The following ALCAM variants were observed in gnomAD, a reference collection of about 807,000 sequenced individuals.
The protein encoded by ALCAM is activated leukocyte cell adhesion molecule.
Under a neutral mutation model 70.9 loss-of-function variants are expected in ALCAM, and 30 were observed. The ratio of observed to expected loss-of-function variants is 0.42; its 90% confidence interval spans 0.32 to 0.57. The LOEUF is 0.57. Among genes scored for constraint, ALCAM ranks in the 20% least tolerant of loss-of-function variants. The pLI, the probability that ALCAM is intolerant of heterozygous loss-of-function variation, is 0.11. For missense variants in ALCAM, 591 were observed against 695.1 expected (o/e 0.85, Z 1.68); for synonymous variants, 249 against 242.5 (o/e 1.03, Z -0.25).
chr3:105,546,248 T>C (rs1222314060), intron 9 of ALCAM, among the ~76,000 whole-genome samples: 1 of 151,328 alleles, frequency 6.6e-6, no homozygotes, highest in Non-Finnish European at 1.5e-5. Context: ...GAAATAGGAG[T>C]TGACAAGAAT....
At chr3:105,466,822 A>G (rs1937751454) in intron 1 of ALCAM, among the ~76,000 whole-genome samples, 1 of 151,276 alleles carries the variant, frequency 6.6e-6, no homozygotes, top group East Asian at 1.9e-4. Flanking sequence ...TTTTTTTCAC[A>G]AGGAGACTCA....
chr3:105,559,550 C>G (rs1428555783), intron 14 of ALCAM, among the ~76,000 whole-genome samples: 1 of 151,766 alleles, frequency 6.6e-6, no homozygotes, highest in Non-Finnish European at 1.5e-5. Context: ...TAGGAGGGCA[C>G]TAATCTCATT....
intron 1 of ALCAM, among the ~76,000 whole-genome samples, chr3:105,455,979 T>C (rs1173044982): frequency 6.6e-6 from 1 of 152,122 alleles, no homozygotes. Context: ...CTCGGGAGGC[T>C]GAAGCATGAG....
chr3:105,413,217 A>T (rs1936430465), intron 1 of ALCAM, among the ~76,000 whole-genome samples: 2 of 152,130 alleles, frequency 1.3e-5, no homozygotes, highest in Non-Finnish European at 2.9e-5. Flanking sequence ...GGATTAAATT[A>T]ATTAGTGAAT....
At position 105,399,232 on chromosome 3, in the gene ALCAM, C is replaced by T. The variant is rs1046227020; in HGVS notation, c.73+31751C>T. Among the ~76,000 whole-genome samples the T allele has an allele frequency of 2.6e-4, 39 of 151,980 alleles. 1 individual carries two copies. Among genetic ancestry groups the T allele is most frequent in the African/African-American group, 9.2e-4 (38 of 41,388 alleles). On this transcript the variant is annotated intron_variant, in intron 1 of 15. Coordinates refer to ENST00000306107, the MANE Select transcript of ALCAM (RefSeq NM_001627.4). ...GATCATTTCTGTATGCATCATCGTA[C>T]CCAGCAAATTTCAGTAAATATTTGC...
chr3:105,530,867 A>G (rs1345937125), intron 3 of ALCAM, among the ~76,000 whole-genome samples: 1 of 152,044 alleles, frequency 6.6e-6, no homozygotes, highest in African/African-American at 2.4e-5. Flanking sequence ...ACATTTTGTC[A>G]TTTTCCCTGT....
intron 1 of ALCAM, among the ~76,000 whole-genome samples, chr3:105,417,133 C>A (rs1467052981): frequency 6.6e-6 from 1 of 151,816 alleles, no homozygotes; most frequent in African/African-American, 2.4e-5. Flanking sequence ...CTCCCAGCCC[C>A]ACTTCCACCC....
At chr3:105,390,658 A>C (rs767839057) in intron 1 of ALCAM, among the ~76,000 whole-genome samples, 1 of 152,056 alleles carries the variant, frequency 6.6e-6, no homozygotes, top group Admixed American at 6.6e-5. Context: ...ATGTTTTGTC[A>C]TGAAATCTTT....
chr3:105,465,528 A>G (rs1300457809), intron 1 of ALCAM, among the ~76,000 whole-genome samples: 2 of 151,476 alleles, frequency 1.3e-5, no homozygotes, highest in African/African-American at 4.8e-5. Context: ...CTCACTGATT[A>G]TATGTTGATT....
At chr3:105,545,616 A>G (rs1378724624) in intron 9 of ALCAM, among the ~76,000 whole-genome samples, 1 of 151,486 alleles carries the variant, frequency 6.6e-6, no homozygotes, top group Non-Finnish European at 1.5e-5. Flanking sequence ...GTGTGCACAT[A>G]CAAACATAGT....
At chr3:105,486,722 T>G (rs1310973375) in intron 1 of ALCAM, among the ~76,000 whole-genome samples, 1 of 152,094 alleles carries the variant, frequency 6.6e-6, no homozygotes, top group South Asian at 2.1e-4. Flanking sequence ...AGGGGACATA[T>G]AGGAAAGTCA....
chr3:105,408,538 C>T (rs548121884), intron 1 of ALCAM, among the ~76,000 whole-genome samples: 68 of 152,128 alleles, frequency 4.5e-4, no homozygotes, highest in Admixed American at 8.5e-4. Flanking sequence ...TTACCTTATA[C>T]AAAAATCAAC....
chr3:105,444,149 T>G (rs1018152199), intron 1 of ALCAM, among the ~76,000 whole-genome samples: 2 of 152,190 alleles, frequency 1.3e-5, no homozygotes, highest in Admixed American at 6.5e-5. Context: ...GGTATTGCAA[T>G]TCATTTTCTG....
intron 14 of ALCAM, among the ~76,000 whole-genome samples, chr3:105,565,365 C>T (rs1388095185): frequency 9.2e-5 from 14 of 152,090 alleles, no homozygotes; most frequent in Admixed American, 9.2e-4. Flanking sequence ...ATTTCTATGT[C>T]TATAACTTAA....
chr3:105,532,432 G>C (rs1939862090), intron 4 of ALCAM, among the ~76,000 whole-genome samples: 1 of 152,110 alleles, frequency 6.6e-6, no homozygotes. Flanking sequence ...GCAAGACCTT[G>C]TTTATAAAAA....
chr3:105,541,215 ACTTTCCTTCCTTCCTT>A (rs1940107268), intron 7 of ALCAM, among the ~76,000 whole-genome samples: 1 of 128,666 alleles, frequency 7.8e-6, no homozygotes, highest in Non-Finnish European at 1.7e-5. Flanking sequence ...CTTCCTTTTT[ACTTTCCTTCCTTCCTT>A]CTTTCCTTCC....
At chr3:105,567,429 T>C (rs1175677540) in intron 14 of ALCAM, among the ~76,000 whole-genome samples, 3 of 152,010 alleles carry the variant, frequency 2.0e-5, no homozygotes, top group Admixed American at 1.3e-4. Flanking sequence ...GAAGATCTGC[T>C]CACTTTTTTT....
At chr3:105,517,291 G>A (rs996579454) in intron 1 of ALCAM, among the ~76,000 whole-genome samples, 6 of 152,046 alleles carry the variant, frequency 3.9e-5, no homozygotes, top group African/African-American at 1.2e-4. Context: ...AAATAAGCAC[G>A]ATTATGGCTT....
chr3:105,491,109 G>A (rs1041015083), intron 1 of ALCAM, among the ~76,000 whole-genome samples: 2 of 152,198 alleles, frequency 1.3e-5, no homozygotes, highest in African/African-American at 4.8e-5. Flanking sequence ...CCTGCAGGCT[G>A]AACACCACAT....
Sources: gnomAD v4.1 joint callset for allele counts (sites outside exome capture counted in the v4.1 genomes callset) on GRCh38, gnomAD v4.1.1 for gene constraint, MANE v1.5 for transcripts, NCBI Gene and HGNC (gene_info 2026-07-23, HGNC 2026-07-21) for gene names.